The following NDUFS4 variants were observed in gnomAD, a reference collection of about 807,000 sequenced individuals.
NDUFS4 encodes NADH dehydrogenase [ubiquinone] iron-sulfur protein 4, mitochondrial.
A neutral mutation model predicts 24.3 loss-of-function variants in NDUFS4; 28 were observed. The ratio of observed to expected loss-of-function variants is 1.15; its 90% CI spans 0.85 to 1.58. The LOEUF (loss-of-function observed/expected upper bound fraction) is 1.58. Ranked by LOEUF, NDUFS4 falls within the 40% of genes most tolerant of loss-of-function variation. NDUFS4 has a pLI of 0.00. For missense variants in NDUFS4, 223 were observed against 207.9 expected, an observed-to-expected ratio of 1.07 and a Z score of -0.45; for synonymous variants, 93 against 69.7, an observed-to-expected ratio of 1.34 and a Z score of -1.67.
At chr5:53,618,964 A>G (rs769488123) in intron 2 of NDUFS4, among the ~76,000 whole-genome samples, 1 of 151,636 alleles carries the variant, frequency 6.6e-6, no homozygotes, top group East Asian at 1.9e-4. Flanking sequence ...AATACAAAAC[A>G]TTAGCTGGTC....
chr5:53,646,726 G>C (rs1308603632), intron 3 of NDUFS4, among the ~76,000 whole-genome samples: 1 of 151,946 alleles, frequency 6.6e-6, no homozygotes, highest in African/African-American at 2.4e-5. Context: ...GCTTTCTACG[G>C]TTTCAGTTAT....
At position 53,648,919 on chromosome 5, in the gene NDUFS4, G is replaced by T. The variant is rs146511457; in HGVS notation, c.350+2514G>T. Among the ~76,000 whole-genome samples, 227 of 152,276 alleles carry T rather than the reference G, an allele frequency of 1.5e-3. 1 individual carries two copies. The highest frequency in any genetic ancestry group is 4.9e-3 in the African/African-American group (205 of 41,556). On this transcript the variant is annotated intron_variant, in intron 3 of 4. Coordinates refer to ENST00000296684, the MANE Select transcript of NDUFS4 (RefSeq NM_002495.4). Reference sequence around the variant, plus strand: ...ACATTTTTGTACAAGGGTGGTTGTGGTAGGTAGAATTCTAAGATGCCCCAG... The same window carrying T: ...ACATTTTTGTACAAGGGTGGTTGTGTTAGGTAGAATTCTAAGATGCCCCAG...
intron 1 of NDUFS4, among the ~76,000 whole-genome samples, chr5:53,569,508 C>G (rs1432180793): frequency 1.3e-5 from 2 of 152,014 alleles, no homozygotes; most frequent in Non-Finnish European, 2.9e-5. Flanking sequence ...GAAGAAAACT[C>G]TAGAATCATT....
intron 2 of NDUFS4, among the ~76,000 whole-genome samples, chr5:53,627,346 A>G (rs560267659): frequency 3.3e-5 from 5 of 152,112 alleles, no homozygotes; most frequent in African/African-American, 1.2e-4. Flanking sequence ...TTTGCTTAGG[A>G]TTGTCTTGGC....
chr5:53,641,189 T>A (rs1383449231), intron 2 of NDUFS4, among the ~76,000 whole-genome samples: 1 of 152,154 alleles, frequency 6.6e-6, no homozygotes, highest in African/African-American at 2.4e-5. Flanking sequence ...GCAAACTGAT[T>A]TCATACATGA....
At chr5:53,634,764 C>A (rs1179781429) in intron 2 of NDUFS4, among the ~76,000 whole-genome samples, 1 of 151,726 alleles carries the variant, frequency 6.6e-6, no homozygotes, top group Non-Finnish European at 1.5e-5. Context: ...TAGACTGGTT[C>A]TTTTCAAAAG....
At chr5:53,561,176 TCC>T (rs1748832541) in intron 1 of NDUFS4, among the ~76,000 whole-genome samples, 2 of 152,212 alleles carry the variant, frequency 1.3e-5, no homozygotes, top group Non-Finnish European at 2.9e-5. Context: ...AATCACTGTA[TCC>T]CTTCCATGGT....
intron 1 of NDUFS4, among the ~76,000 whole-genome samples, chr5:53,587,116 A>T (rs928827490): frequency 6.6e-6 from 1 of 151,768 alleles, no homozygotes; most frequent in African/African-American, 2.4e-5. Flanking sequence ...GAACCATTGC[A>T]CCCGGCCGAG....
chr5:53,673,105 G>A (rs1252953865), intron 4 of NDUFS4, among the ~76,000 whole-genome samples: 3 of 152,060 alleles, frequency 2.0e-5, no homozygotes, highest in African/African-American at 4.8e-5. Flanking sequence ...AGCAGTGAAG[G>A]CATTGATAAT....
intron 1 of NDUFS4, among the ~76,000 whole-genome samples, chr5:53,590,387 A>T (rs772617464): frequency 5.9e-5 from 9 of 152,250 alleles, no homozygotes; most frequent in Admixed American, 6.5e-5. Flanking sequence ...TTGGATAATG[A>T]TGCTATGCAA....
chr5:53,677,254 G>GC (rs922143910), intron 4 of NDUFS4, among the ~76,000 whole-genome samples: 2 of 152,090 alleles, frequency 1.3e-5, no homozygotes, highest in Non-Finnish European at 2.9e-5. Context: ...ATTTCAAGGG[G>GC]CCGTTGACTG....
At chr5:53,632,899 C>T (rs969314141) in intron 2 of NDUFS4, among the ~76,000 whole-genome samples, 23 of 152,258 alleles carry the variant, frequency 1.5e-4, no homozygotes, top group African/African-American at 5.5e-4. Flanking sequence ...TGAATCTTTA[C>T]TTTTTAAACC....
intron 2 of NDUFS4, among the ~76,000 whole-genome samples, chr5:53,638,739 CTTTG>C (rs1185289160): frequency 1.3e-5 from 2 of 152,028 alleles, no homozygotes; most frequent in African/African-American, 4.8e-5. Context: ...AACACAAAAT[CTTTG>C]TTTATTTGGC....
intron 1 of NDUFS4, among the ~76,000 whole-genome samples, chr5:53,589,556 A>G (rs1044731283): frequency 6.6e-6 from 1 of 152,242 alleles, no homozygotes; most frequent in African/African-American, 2.4e-5. Flanking sequence ...CCTAACCAAG[A>G]AGTGGCAATG....
chr5:53,639,037 T>A lies in NDUFS4; in HGVS notation c.178-7196T>A, dbSNP rs73754274. Among the ~76,000 whole-genome samples the A allele has an allele frequency of 7.3e-3, 1,108 of 152,192 alleles. 14 individuals are homozygous for A. The highest frequency in any genetic ancestry group is 0.025 in the African/African-American group (1,057 of 41,552). On this transcript the variant is annotated intron_variant, in intron 2 of 4. Coordinates refer to ENST00000296684, the MANE Select transcript of NDUFS4 (RefSeq NM_002495.4). ...TGCTTTCTCTTCCTGCTTTTTTCTCTTATTCTGGCAAACCAGTTATTTTAC... is the reference window on the plus strand; with the variant it reads ...TGCTTTCTCTTCCTGCTTTTTTCTCATATTCTGGCAAACCAGTTATTTTAC...
chr5:53,634,859 A>G (rs1751504066), intron 2 of NDUFS4, among the ~76,000 whole-genome samples: 1 of 151,924 alleles, frequency 6.6e-6, no homozygotes, highest in African/African-American at 2.4e-5. Context: ...GCTGCCAGGT[A>G]TCCTAAGATA....
At chr5:53,621,417 T>C (rs1229297278) in intron 2 of NDUFS4, among the ~76,000 whole-genome samples, 1 of 152,094 alleles carries the variant, frequency 6.6e-6, no homozygotes, top group African/African-American at 2.4e-5. Context: ...GTGCAAAATA[T>C]TTATTGATAT....
rs190212584 is a variant in NDUFS4 at position 53,619,046 on chromosome 5, G to A, written c.177+15516G>A. Among the ~76,000 whole-genome samples, 47 of 151,910 alleles carry A rather than the reference G, an allele frequency of 3.1e-4. 1 individual carries two copies. In the East Asian group the frequency reaches 5.2e-3, roughly 17 times the overall value. On this transcript the variant is annotated intron_variant, in intron 2 of 4. Transcript: ENST00000296684. ...TGAAAATTGCTTGAACCCGGGAGGC[G>A]GAGGTTGCAGTGAGCTAAGATCGCG... is the stretch of plus-strand genomic sequence containing the variant.
intron 1 of NDUFS4, among the ~76,000 whole-genome samples, chr5:53,579,014 A>G (rs1749472940): frequency 6.6e-6 from 1 of 152,160 alleles, no homozygotes; most frequent in Non-Finnish European, 1.5e-5. Flanking sequence ...CTACCATTCC[A>G]CTGAAATAGC....
Sources: allele counts gnomAD v4.1 joint callset (sites outside exome capture counted in the v4.1 genomes callset), GRCh38; gene constraint gnomAD v4.1.1; transcripts MANE v1.5; gene names NCBI Gene and HGNC (gene_info 2026-07-23, HGNC 2026-07-21).